The following ATF3 variants were observed in gnomAD, a reference collection of about 807,000 sequenced individuals.
ATF3 encodes the protein activating transcription factor 3.
A neutral mutation model predicts 18.4 loss-of-function variants in ATF3; 10 were observed. That is an observed-to-expected ratio of 0.54 (90% confidence interval 0.34 to 0.92). The LOEUF (loss-of-function observed/expected upper bound fraction) is 0.92. ATF3 is among the 40% of genes least tolerant of loss of function. The probability of loss-of-function intolerance (pLI) is 0.02; values close to 1 mark genes in which losing one functional copy is unlikely to be tolerated. For missense variants in ATF3, 183 were observed against 222.3 expected, an observed-to-expected ratio of 0.82 and a Z score of 1.12; for synonymous variants, 78 against 87.9, an observed-to-expected ratio of 0.89 and a Z score of 0.63.
In ATF3 at chr1:212,594,968, G is replaced by T. The variant is rs1011935784; in HGVS notation, c.-4-20050G>T. 2.6e-5 allele frequency among the ~76,000 whole-genome samples: 4 copies of T among 152,160 alleles called. No individual in the cohort carries two copies. The East Asian group carries it at 7.7e-4, about 29-fold the overall frequency. ...ACAGCCATTCCGATTCTAAAGACTG[G>T]TTAAGTTTCACAACAAAAACTGAGG... On this transcript the variant is annotated intron_variant, in intron 1 of 3. Transcript: ENST00000366981.
chr1:212,589,683 CAA>C (rs59930174), intron 1 of ATF3, among the ~76,000 whole-genome samples: 1 of 124,496 alleles, frequency 8.0e-6, no homozygotes. Flanking sequence ...GACACCGTCT[CAA>C]AAAAAAAAAG....
At chr1:212,604,212 C>T (rs184581664), upstream of ATF3, among the ~76,000 whole-genome samples, 2 of 152,248 alleles carry the variant, frequency 1.3e-5, no homozygotes, top group African/African-American at 2.4e-5. Flanking sequence ...ACTGAGACAT[C>T]GTGTTTATGA....
intron 1 of ATF3, among the ~76,000 whole-genome samples, chr1:212,593,856 TGTC>T (rs1412140431): frequency 6.9e-6 from 1 of 144,742 alleles, no homozygotes; most frequent in Non-Finnish European, 1.6e-5. Context: ...GCCCTAGGGC[TGTC>T]TTTATTTTTC....
At chr1:212,594,550 G>A (rs1664953625) in intron 1 of ATF3, among the ~76,000 whole-genome samples, 1 of 152,310 alleles carries the variant, frequency 6.6e-6, no homozygotes, top group South Asian at 2.1e-4. Flanking sequence ...TTATTAGGGT[G>A]GAAGGGTCAA....
At chr1:212,579,425 C>T (rs1268944837) in intron 1 of ATF3, among the ~76,000 whole-genome samples, 1 of 152,032 alleles carries the variant, frequency 6.6e-6, no homozygotes, top group East Asian at 1.9e-4. Context: ...TTTTTATTAC[C>T]AGCATATCCC....
chr1:212,573,962 T>A (rs1271163101), intron 1 of ATF3, among the ~76,000 whole-genome samples: 1 of 151,532 alleles, frequency 6.6e-6, no homozygotes, highest in East Asian at 1.9e-4. Context: ...TCTTCTTTAG[T>A]TTCTCTAATA....
intron 1 of ATF3, among the ~76,000 whole-genome samples, chr1:212,585,080 G>C (rs1203760371): frequency 6.6e-6 from 1 of 152,176 alleles, no homozygotes; most frequent in Non-Finnish European, 1.5e-5. Flanking sequence ...TGTGTTCTGA[G>C]TGTCGGAGGG....
At chr1:212,568,724 G>A (rs943834928) in intron 1 of ATF3, among the ~76,000 whole-genome samples, 1 of 152,116 alleles carries the variant, frequency 6.6e-6, no homozygotes, top group Non-Finnish European at 1.5e-5. Context: ...GTCCTAGGCC[G>A]ATTCTCCGAT....
At chr1:212,565,933 TCTC>T (rs555667531) in intron 1 of ATF3, among the ~76,000 whole-genome samples, 57 of 152,260 alleles carry the variant, frequency 3.7e-4, no homozygotes, top group African/African-American at 1.3e-3. Context: ...TCTAGTGTGT[TCTC>T]CTCCTTGACA....
intron 1 of ATF3, among the ~76,000 whole-genome samples, chr1:212,590,093 T>C (rs1664853701): frequency 6.6e-6 from 1 of 152,218 alleles, no homozygotes; most frequent in Admixed American, 6.5e-5. Context: ...TTTGCCATGT[T>C]ACATTGAACA....
chr1:212,572,514 A>G (rs764493710), intron 1 of ATF3, among the ~76,000 whole-genome samples: 3 of 152,222 alleles, frequency 2.0e-5, no homozygotes, highest in Non-Finnish European at 4.4e-5. Context: ...AGTGAAATTC[A>G]GTCTCAAAAA....
At chr1:212,571,922 G>A (rs577954390) in intron 1 of ATF3, among the ~76,000 whole-genome samples, 1 of 142,602 alleles carries the variant, frequency 7.0e-6, no homozygotes, top group Admixed American at 7.2e-5. Context: ...CCATGTTAGC[G>A]AGGATGGTCT....
At chr1:212,609,269 A>G (rs1238912044) in intron 1 of ATF3, among the ~76,000 whole-genome samples, 4 of 146,674 alleles carry the variant, frequency 2.7e-5, no homozygotes, top group African/African-American at 1.0e-4. Context: ...GAGAGGGCGT[A>G]AGGTGGGTGG....
At chr1:212,608,318 C>T (rs1161169866), upstream of ATF3, among the ~76,000 whole-genome samples, 1 of 149,876 alleles carries the variant, frequency 6.7e-6, no homozygotes, top group Non-Finnish European at 1.5e-5. Flanking sequence ...CGGGACCCGC[C>T]TCCCCACCTT....
chr1:212,579,064 T>G (rs747766730), intron 1 of ATF3, among the ~76,000 whole-genome samples: 1 of 142,906 alleles, frequency 7.0e-6, no homozygotes, highest in Admixed American at 7.5e-5. Context: ...CAGGCTGGAG[T>G]GCAGTGGCAC....
At chr1:212,572,932 A>G (rs564817738) in intron 1 of ATF3, among the ~76,000 whole-genome samples, 1 of 152,368 alleles carries the variant, frequency 6.6e-6, no homozygotes, top group East Asian at 1.9e-4. Flanking sequence ...GACAATTTGT[A>G]TATACAAAAG....
At chr1:212,590,247 C>CTT (rs61625338) in intron 1 of ATF3, among the ~76,000 whole-genome samples, 1 of 140,056 alleles carries the variant, frequency 7.1e-6, no homozygotes, top group Non-Finnish European at 1.6e-5. Context: ...TAAGTTTAAG[C>CTT]TTTTTTTTTT....
At chr1:212,593,900 G>T (rs12097749) in intron 1 of ATF3, among the ~76,000 whole-genome samples, 31,342 of 152,134 alleles carry the variant, frequency 0.21, 3,289 homozygotes, top group South Asian at 0.26. Context: ...CAAAGTCCCT[G>T]TTCAATCTGT....
At chr1:212,565,819 A>G (rs1344857765) in intron 1 of ATF3, among the ~76,000 whole-genome samples, 1 of 152,194 alleles carries the variant, frequency 6.6e-6, no homozygotes, top group African/African-American at 2.4e-5. Flanking sequence ...GGTCTCATCC[A>G]GGATGAAACC....
Sources: allele counts gnomAD v4.1 joint callset (sites outside exome capture counted in the v4.1 genomes callset), GRCh38; gene constraint gnomAD v4.1.1; transcripts MANE v1.5; gene names NCBI Gene and HGNC (gene_info 2026-07-23, HGNC 2026-07-21).